TMEM74: variants seen among roughly 807,000 people sequenced by gnomAD.
TMEM74 encodes transmembrane protein 74.
A neutral mutation model predicts 18.1 loss-of-function variants in TMEM74; 13 were observed. The observed-to-expected ratio is 0.72, with a 90% confidence interval of 0.47 to 1.14. The LOEUF (loss-of-function observed/expected upper bound fraction) is 1.14, where lower values mean the gene tolerates loss of function less well. Among genes scored for constraint, TMEM74 ranks in the 50% most tolerant of loss-of-function variants. TMEM74 has a pLI of 0.00. For missense variants in TMEM74, 372 were observed against 375.9 expected, an observed-to-expected ratio of 0.99 and a Z score of 0.09; for synonymous variants, 159 against 146.6, an observed-to-expected ratio of 1.08 and a Z score of -0.61.
rs769462976 is a variant in TMEM74, at chr8:108,784,371, C to T, written c.728G>A (p.Gly243Asp). The T allele has an allele frequency of 1.2e-6, 2 of 1,614,034 alleles. No homozygotes were observed. Among genetic ancestry groups the T allele is most frequent in the East Asian group, 4.5e-5 (2 of 44,846 alleles). ...CATTAACAAGCAGGACAGGATGACG[C>T]CCCCCAGCGTGAGGAGGCAGAGCCC... The part of the protein sequence containing the change: ...IAGLCLLTLG[G>D]VILSCLLMMS... The change falls in exon 2 of 2, where the codon GGC (glycine) becomes GAC (aspartate). Residue 243 changes from glycine (G) to aspartate (D), a missense_variant. Transcript: ENST00000297459.
intron 1 of TMEM74, among the ~76,000 whole-genome samples, chr8:108,712,420 C>T (rs1351680204): frequency 6.6e-6 from 1 of 152,110 alleles, no homozygotes; most frequent in African/African-American, 2.4e-5. Context: ...TGTCTGTTGA[C>T]TCATAGTTTC....
chr8:108,717,942 G>GTTTTTTTT lies in TMEM74; in HGVS notation n.120-62513_120-62506dup, dbSNP rs869263977. Among the ~76,000 whole-genome samples the GTTTTTTTT allele has an allele frequency of 3.9e-4, 18 of 45,924 alleles. 2 individuals are homozygous for GTTTTTTTT. Among genetic ancestry groups the GTTTTTTTT allele is most frequent in the Non-Finnish European group, 6.3e-4 (18 of 28,462 alleles). The allele number at this position is 45,924 out of a possible 152,430, so 30.1% of individuals were successfully genotyped here. A position where few individuals can be genotyped will look rare whatever the true frequency, so the allele number is the denominator to read the frequency against. On this transcript the variant is annotated intron_variant and non_coding_transcript_variant, in intron 1 of 3. Coordinates refer to the TMEM74 transcript ENST00000518838. ...TTTCTAGTGATATGATCTGACTTAG[G>GTTTTTTTT]TTTTTTTTTTTTTTTTTTTTTTTTT...
At chr8:108,694,726 T>G (rs945395623) in intron 1 of TMEM74, among the ~76,000 whole-genome samples, 3 of 152,310 alleles carry the variant, frequency 2.0e-5, no homozygotes, top group East Asian at 1.9e-4. Flanking sequence ...TATACATGAA[T>G]GTTTATAGAG....
intron 2 of TMEM74, among the ~76,000 whole-genome samples, chr8:108,654,702 C>G: frequency 6.6e-6 from 1 of 151,888 alleles, no homozygotes; most frequent in East Asian, 1.9e-4. Context: ...ATGCCTGAAT[C>G]AATACCTTTA....
intron 1 of TMEM74, among the ~76,000 whole-genome samples, chr8:108,730,699 C>A (rs1813685737): frequency 6.8e-6 from 1 of 146,250 alleles, no homozygotes; most frequent in South Asian, 2.2e-4. Flanking sequence ...GTGGAGCGAT[C>A]TCAGCTCACT....
At chr8:108,632,894 T>A (rs941956372) in intron 2 of TMEM74, among the ~76,000 whole-genome samples, 1 of 152,030 alleles carries the variant, frequency 6.6e-6, no homozygotes, top group Non-Finnish European at 1.5e-5. Flanking sequence ...AAGTAGAACA[T>A]GTTCTTCTAG....
chr8:108,640,764 T>C (rs2130561530), intron 2 of TMEM74, among the ~76,000 whole-genome samples: 1 of 152,242 alleles, frequency 6.6e-6, no homozygotes, highest in African/African-American at 2.4e-5. Flanking sequence ...GTTGGTATCT[T>C]GGGATAATGA....
At chr8:108,639,607 C>T (rs998677479) in intron 2 of TMEM74, among the ~76,000 whole-genome samples, 2 of 152,154 alleles carry the variant, frequency 1.3e-5, no homozygotes, top group African/African-American at 2.4e-5. Context: ...ATGGGTGACA[C>T]TCCACCTTTT....
chr8:108,609,511 G>C (rs1425333452), intron 2 of TMEM74, among the ~76,000 whole-genome samples: 1 of 152,122 alleles, frequency 6.6e-6, no homozygotes, highest in Non-Finnish European at 1.5e-5. Flanking sequence ...AGCTGGGCTT[G>C]GTGGCTGGTG....
chr8:108,752,485 A>G (rs1169036914), intron 1 of TMEM74, among the ~76,000 whole-genome samples: 2 of 152,138 alleles, frequency 1.3e-5, no homozygotes, highest in Middle Eastern at 3.2e-3. Context: ...TCTCATGTTC[A>G]AAAACTTGCT....
At chr8:108,656,776 AC>A (rs1812825193) in intron 1 of TMEM74, among the ~76,000 whole-genome samples, 1 of 152,086 alleles carries the variant, frequency 6.6e-6, no homozygotes, top group Admixed American at 6.6e-5. Context: ...AGAAACTACC[AC>A]CTAAAAAAGT....
chr8:108,678,114 A>G (rs965617998), intron 1 of TMEM74, among the ~76,000 whole-genome samples: 2 of 152,154 alleles, frequency 1.3e-5, no homozygotes, highest in African/African-American at 4.8e-5. Flanking sequence ...TCCAAAACAA[A>G]ACACTATACC....
At chr8:108,759,311 C>G (rs1156742183) in intron 1 of TMEM74, among the ~76,000 whole-genome samples, 1 of 151,924 alleles carries the variant, frequency 6.6e-6, no homozygotes, top group East Asian at 1.9e-4. Flanking sequence ...AGGGTAAATT[C>G]CAATGTCTTT....
chr8:108,725,707 G>A (rs1370955053), intron 1 of TMEM74, among the ~76,000 whole-genome samples: 1 of 152,170 alleles, frequency 6.6e-6, no homozygotes, highest in Non-Finnish European at 1.5e-5. Flanking sequence ...AAGAAAAGAT[G>A]AGAGGAAAGT....
intron 1 of TMEM74, among the ~76,000 whole-genome samples, chr8:108,708,350 G>A (rs181530475): frequency 6.6e-6 from 1 of 151,554 alleles, no homozygotes; most frequent in African/African-American, 2.4e-5. Flanking sequence ...ACATACACAT[G>A]CATGTGTGTC....
intron 2 of TMEM74, among the ~76,000 whole-genome samples, chr8:108,621,166 A>G (rs1224685577): frequency 6.6e-6 from 1 of 152,196 alleles, no homozygotes; most frequent in African/African-American, 2.4e-5. Context: ...GATCACAGAA[A>G]ACACAGGGAG....
At chr8:108,728,256 C>G (rs963455992) in intron 1 of TMEM74, among the ~76,000 whole-genome samples, 3 of 151,960 alleles carry the variant, frequency 2.0e-5, no homozygotes, top group African/African-American at 4.8e-5. Context: ...CAAGAATGAT[C>G]CGGAAGAGTG....
At chr8:108,646,700 T>C (rs527434758) in intron 2 of TMEM74, among the ~76,000 whole-genome samples, 3 of 152,282 alleles carry the variant, frequency 2.0e-5, no homozygotes. Context: ...AGTTTTAACA[T>C]TGGCATAGAA....
intron 1 of TMEM74, among the ~76,000 whole-genome samples, chr8:108,758,218 T>C (rs903856658): frequency 2.0e-5 from 3 of 151,546 alleles, no homozygotes; most frequent in African/African-American, 7.3e-5. Flanking sequence ...ACAGAACAAA[T>C]ACATTTTAAA....
Sources: gnomAD v4.1 joint callset for allele counts (sites outside exome capture counted in the v4.1 genomes callset) on GRCh38, gnomAD v4.1.1 for gene constraint, MANE v1.5 for transcripts, NCBI Gene and HGNC (gene_info 2026-07-23, HGNC 2026-07-21) for gene names.